Variants in BBOX1 observed in about 807,000 individuals in gnomAD.
BBOX1 encodes gamma-butyrobetaine hydroxylase 1.
A neutral mutation model predicts 41.6 loss-of-function variants in BBOX1; 35 were observed. That is an observed-to-expected ratio of 0.84 (90% CI 0.64 to 1.11). BBOX1 has a LOEUF of 1.11. Ranked by LOEUF, BBOX1 falls within the 50% of genes most tolerant of loss-of-function variation. BBOX1 has a pLI of 0.00. For missense variants in BBOX1, 458 were observed against 460.6 expected, an observed-to-expected ratio of 0.99 and a Z score of 0.05; for synonymous variants, 163 against 154.7, an observed-to-expected ratio of 1.05 and a Z score of -0.40.
chr11:27,127,529 G>A lies in BBOX1; in HGVS notation c.*76G>A. 6.9e-7 allele frequency: 1 copy of A among 1,453,010 alleles called. No homozygotes were observed. The highest frequency in any genetic ancestry group is 9.3e-7 in the Non-Finnish European group (1 of 1,075,086). 90.0% of individuals were successfully genotyped at this position (1,453,010 alleles called of 1,614,324 possible). A position where few individuals can be genotyped will look rare whatever the true frequency, so the allele number is the denominator to read the frequency against. ...ATATGGCACATTATTCACAGACCAT[G>A]ATCTTTGTGATTTACATATAATTTC... On this transcript the variant is annotated 3_prime_UTR_variant, in exon 9 of 9. Transcript: ENST00000263182.
chr11:27,050,705 T>C (rs868505675), intron 2 of BBOX1, among the ~76,000 whole-genome samples: 4 of 152,294 alleles, frequency 2.6e-5, no homozygotes, highest in Middle Eastern at 3.4e-3. Flanking sequence ...TCTGCAACTT[T>C]ACTAAATTTA....
chr11:27,122,237 G>A (rs979478323), intron 7 of BBOX1, among the ~76,000 whole-genome samples: 25 of 152,060 alleles, frequency 1.6e-4, no homozygotes, highest in African/African-American at 4.6e-4. Context: ...AATTAATGAC[G>A]GTGAGACTCA....
chr11:27,087,290 C>T, intron 4 of BBOX1, among the ~76,000 whole-genome samples: 1 of 152,132 alleles, frequency 6.6e-6, no homozygotes, highest in East Asian at 1.9e-4. Context: ...GCAGACTTCA[C>T]TGTTGTCTTA....
chr11:27,064,159 T>C (rs1159350471), intron 4 of BBOX1, among the ~76,000 whole-genome samples: 2 of 152,144 alleles, frequency 1.3e-5, no homozygotes, highest in Admixed American at 1.3e-4. Flanking sequence ...TGTTTCACTA[T>C]TGTTTGGTAA....
intron 5 of BBOX1, among the ~76,000 whole-genome samples, chr11:27,097,408 C>A (rs1858476778): frequency 6.6e-6 from 1 of 151,966 alleles, no homozygotes; most frequent in East Asian, 1.9e-4. Context: ...CAGAATGTAT[C>A]CTACGAAGTA....
chr11:27,099,249 C>A lies in BBOX1; in HGVS notation c.533+5883C>A, dbSNP rs535211562. ...TCCTTCTTTTCAGAACTGAGCCCAG[C>A]AGTTCAGATTTGTTTTTTTTCTAAG... On this transcript the variant is annotated intron_variant, in intron 5 of 8. Transcript: ENST00000263182. 9.9e-5 allele frequency among the ~76,000 whole-genome samples: 15 copies of A among 151,996 alleles called. No homozygotes were observed. In the South Asian group the frequency reaches 3.1e-3, roughly 32 times the overall value.
chr11:27,114,633 T>G (rs1859191549), intron 5 of BBOX1, among the ~76,000 whole-genome samples: 1 of 151,772 alleles, frequency 6.6e-6, no homozygotes, highest in Admixed American at 6.6e-5. Context: ...AGCATGCCAA[T>G]ATCATTCAAT....
chr11:27,046,390 AAG>A (rs1165530794), intron 2 of BBOX1: 3 of 151,970 alleles, frequency 2.0e-5, no homozygotes, highest in African/African-American at 7.3e-5. Context: ...TATTACTCTG[AAG>A]AGAAAAAATA....
chr11:27,078,031 A>AC (rs1305713282), intron 4 of BBOX1, among the ~76,000 whole-genome samples: 1 of 151,764 alleles, frequency 6.6e-6, no homozygotes, highest in African/African-American at 2.4e-5. Context: ...ACAATCTGGT[A>AC]CCCCCTCCAC....
At chr11:27,060,989 G>A (rs1015926219) in intron 4 of BBOX1, among the ~76,000 whole-genome samples, 29 of 152,066 alleles carry the variant, frequency 1.9e-4, no homozygotes, top group African/African-American at 5.8e-4. Flanking sequence ...GGGTCACATC[G>A]CAGTGTCACA....
At chr11:27,082,285 T>C (rs1482581303) in intron 4 of BBOX1, among the ~76,000 whole-genome samples, 1 of 152,118 alleles carries the variant, frequency 6.6e-6, no homozygotes, top group African/African-American at 2.4e-5. Context: ...TTAAAAGGTA[T>C]ATTGTGCCTC....
At chr11:27,068,063 C>CATA (rs56398731) in intron 4 of BBOX1, among the ~76,000 whole-genome samples, 63,005 of 151,580 alleles carry the variant, frequency 0.42, 13,785 homozygotes, top group African/African-American at 0.57. Flanking sequence ...GTCTTTTTTA[C>CATA]ATGACTTTTT....
intron 6 of BBOX1, among the ~76,000 whole-genome samples, chr11:27,118,988 G>A (rs1362122853): frequency 3.3e-5 from 5 of 150,168 alleles, no homozygotes; most frequent in Non-Finnish European, 5.9e-5. Context: ...GCTCAGTTCC[G>A]ACTACATTAC....
At chr11:27,098,081 T>C (rs1176010747) in intron 5 of BBOX1, among the ~76,000 whole-genome samples, 3 of 152,036 alleles carry the variant, frequency 2.0e-5, no homozygotes, top group Non-Finnish European at 4.4e-5. Context: ...GTATCTCTCT[T>C]GCTTTTATAT....
chr11:27,092,470 TA>T (rs1858282178), intron 4 of BBOX1, among the ~76,000 whole-genome samples: 2 of 151,964 alleles, frequency 1.3e-5, no homozygotes, highest in Admixed American at 1.3e-4. Context: ...GCAAGCCAAT[TA>T]TTTTTTACAT....
Position 27,049,364 on chromosome 11 carries a change from GTCT to G in BBOX1, c.-38-6024_-38-6022del, listed in dbSNP as rs1851598799. On this transcript the variant is annotated intron_variant, in intron 2 of 8. Transcript: ENST00000263182. The stretch of plus-strand genomic sequence containing the variant: ...TTATATACCTGCTGGCCATTTATAT[GTCT>G]TCTTTAGAGAAATGTCTATTCCATT... Among the ~76,000 whole-genome samples, 7 of 152,132 alleles carry G rather than the reference GTCT, an allele frequency of 4.6e-5. No individual in the cohort carries two copies. The South Asian group carries it at 1.5e-3, about 32-fold the overall frequency.
chr11:27,059,207 G>A (rs1026328616), intron 4 of BBOX1, among the ~76,000 whole-genome samples: 1 of 152,196 alleles, frequency 6.6e-6, no homozygotes, highest in African/African-American at 2.4e-5. Context: ...TACAGGTTGG[G>A]CCATAGTTCC....
intron 4 of BBOX1, among the ~76,000 whole-genome samples, chr11:27,073,939 G>A (rs1857549895): frequency 6.6e-6 from 1 of 152,168 alleles, no homozygotes; most frequent in Non-Finnish European, 1.5e-5. Context: ...GGGAGGGATA[G>A]CATTAGGAGA....
chr11:27,127,381 A>T lies in BBOX1; in HGVS notation c.1092A>T (p.Gly364=), dbSNP rs535104426. The T allele has an allele frequency of 2.0e-5, 32 of 1,614,136 alleles. No individual in the cohort carries two copies. In the South Asian group the frequency reaches 2.5e-4, roughly 13 times the overall value. The change falls in exon 9 of 9, where the codon GGA becomes GGT. Residue 364 remains glycine, a synonymous_variant. Coordinates refer to ENST00000263182, the MANE Select transcript of BBOX1 (RefSeq NM_003986.3). The part of the protein sequence containing the change: ...AGTEISRHLE[G]AYADWDVVMS... The stretch of plus-strand genomic sequence containing the variant: ...CTGAGATATCCCGCCATCTAGAAGG[A>T]GCTTATGCTGACTGGGATGTGGTCA...
Sources: gnomAD v4.1 joint callset for allele counts (sites outside exome capture counted in the v4.1 genomes callset) on GRCh38, gnomAD v4.1.1 for gene constraint, MANE v1.5 for transcripts, NCBI Gene and HGNC (gene_info 2026-07-23, HGNC 2026-07-21) for gene names.